The following ZNF536 variants were observed in gnomAD, a reference collection of about 807,000 sequenced individuals.
ZNF536 encodes the protein zinc finger protein 536.
In ZNF536, 13 loss-of-function variants were observed where a neutral mutation model predicts 84.5. That is an observed-to-expected ratio of 0.15 (90% CI 0.10 to 0.24). ZNF536 has a LOEUF of 0.24. Among genes scored for constraint, ZNF536 ranks in the 10% least tolerant of loss-of-function variants. ZNF536 has a pLI of 1.00. For missense variants in ZNF536, 1,536 were observed against 1,747.5 expected (o/e 0.88, Z 2.16); for synonymous variants, 811 against 742.5 (o/e 1.09, Z -1.50).
At chr19:30,315,621 G>A (rs2046653653) in intron 2 of ZNF536, among the ~76,000 whole-genome samples, 1 of 152,176 alleles carries the variant, frequency 6.6e-6, no homozygotes, top group Admixed American at 6.5e-5. Flanking sequence ...AATTACGAAA[G>A]TTCTGTGGGT....
chr19:30,644,366 TC>T (rs2049382776), intron 1 of ZNF536, among the ~76,000 whole-genome samples: 2 of 152,124 alleles, frequency 1.3e-5, no homozygotes, highest in Admixed American at 6.6e-5. Context: ...GACATTTCTT[TC>T]TTTTTTTTTT....
At chr19:30,635,800 C>A (rs1200986308) in intron 1 of ZNF536, among the ~76,000 whole-genome samples, 1 of 152,228 alleles carries the variant, frequency 6.6e-6, no homozygotes, top group Non-Finnish European at 1.5e-5. Flanking sequence ...TACACAGATC[C>A]ATACGCTGCC....
chr19:30,303,141 A>T (rs182684852), intron 2 of ZNF536, among the ~76,000 whole-genome samples: 1 of 152,132 alleles, frequency 6.6e-6, no homozygotes, highest in Non-Finnish European at 1.5e-5. Context: ...TAGATGGGTG[A>T]TGGGTTTCTG....
intron 2 of ZNF536, among the ~76,000 whole-genome samples, chr19:30,313,890 G>A (rs2046589447): frequency 6.6e-6 from 1 of 152,226 alleles, no homozygotes; most frequent in South Asian, 2.1e-4. Context: ...AGATGGCCCT[G>A]TCCCTCGCTC....
intron 2 of ZNF536, among the ~76,000 whole-genome samples, chr19:30,464,367 C>T (rs2053291429): frequency 6.6e-6 from 1 of 152,122 alleles, no homozygotes; most frequent in Admixed American, 6.5e-5. Flanking sequence ...GCGCTGGGCC[C>T]TCGAGGGGTA....
intron 1 of ZNF536, among the ~76,000 whole-genome samples, chr19:30,704,739 C>A (rs1477377703): frequency 1.3e-5 from 2 of 151,966 alleles, no homozygotes. Context: ...GCGGCTTCTC[C>A]TCTGGGGATG....
chr19:30,357,732 C>T (rs556829373), intron 3 of ZNF536, among the ~76,000 whole-genome samples: 5 of 152,132 alleles, frequency 3.3e-5, no homozygotes, highest in Admixed American at 6.5e-5. Context: ...TGTGCAGCCC[C>T]GGGAGGCCTG....
intron 2 of ZNF536, among the ~76,000 whole-genome samples, chr19:30,351,863 G>A (rs370776597): frequency 8.7e-4 from 133 of 152,344 alleles, no homozygotes; most frequent in Non-Finnish European, 1.6e-3. Flanking sequence ...TGGACTTCAT[G>A]TTAGGAAATC....
At chr19:30,265,042 G>A (rs983208427) in intron 1 of ZNF536, among the ~76,000 whole-genome samples, 4 of 151,800 alleles carry the variant, frequency 2.6e-5, no homozygotes, top group African/African-American at 7.3e-5. Flanking sequence ...CAAAGAAAGT[G>A]CAGTTTGTCA....
chr19:30,271,328 AT>A (rs2025840678), intron 1 of ZNF536, among the ~76,000 whole-genome samples: 1 of 127,244 alleles, frequency 7.9e-6, no homozygotes, highest in African/African-American at 3.0e-5. Context: ...TTGCTAAAGC[AT>A]GAGAGATGCT....
intron 1 of ZNF536, among the ~76,000 whole-genome samples, chr19:30,682,226 T>C (rs1443318567): frequency 1.3e-5 from 2 of 152,074 alleles, no homozygotes; most frequent in Non-Finnish European, 2.9e-5. Flanking sequence ...ACTCTGCAAG[T>C]TTTGGGTTTG....
chr19:30,374,990 A>C (rs2048755983), intron 1 of ZNF536, among the ~76,000 whole-genome samples: 1 of 151,978 alleles, frequency 6.6e-6, no homozygotes, highest in East Asian at 1.9e-4. Flanking sequence ...GCGCCTGGAG[A>C]TCGGGCGCGC....
intron 2 of ZNF536, among the ~76,000 whole-genome samples, chr19:30,336,407 A>C (rs1327366947): frequency 6.6e-6 from 1 of 152,208 alleles, no homozygotes; most frequent in Non-Finnish European, 1.5e-5. Flanking sequence ...ATGCTGTTGG[A>C]CAGGACAAGG....
At chr19:30,710,207 T>C (rs1003721355) in intron 1 of ZNF536, among the ~76,000 whole-genome samples, 3 of 152,144 alleles carry the variant, frequency 2.0e-5, no homozygotes, top group East Asian at 3.9e-4. Context: ...AATTCAGATA[T>C]GGGGAGACTT....
chr19:30,574,699 G>T (rs1004159138), intron 1 of ZNF536, among the ~76,000 whole-genome samples: 1 of 152,176 alleles, frequency 6.6e-6, no homozygotes, highest in Non-Finnish European at 1.5e-5. Flanking sequence ...CTCATGCCAG[G>T]CCAGGCCATG....
Position 30,471,073 on chromosome 19 carries a change from G to A in ZNF536, c.2170+25341G>A, listed in dbSNP as rs142712504. ...TGGGCTCAAGCAATCCTCCCACCTC[G>A]TCCTCCCAAAGTGCTGGGATTACAG... On this transcript the variant is annotated intron_variant, in intron 2 of 4. Coordinates refer to ENST00000355537, the MANE Select transcript of ZNF536 (RefSeq NM_014717.3). Among the ~76,000 whole-genome samples the A allele has an allele frequency of 4.0e-3, 605 of 150,490 alleles. 1 individual carries two copies. The highest frequency in any genetic ancestry group is 6.5e-3 in the Non-Finnish European group (443 of 67,784).
rs114327658 is a variant in ZNF536 at position 30,615,940 on chromosome 19, T to C, written c.169+66426T>C. On this transcript the variant is annotated intron_variant, in intron 1 of 1. Transcript: ENST00000592773. The stretch of plus-strand genomic sequence containing the variant: ...TGTCTGTCTCTCTCATTGTATCCCA[T>C]TGTAAATCAAATCTTTTTCTCGATC... Among the ~76,000 whole-genome samples the C allele has an allele frequency of 4.1e-3, 630 of 152,308 alleles. 6 individuals are homozygous for C. The highest frequency in any genetic ancestry group is 0.014 in the African/African-American group (595 of 41,558).
intron 1 of ZNF536, among the ~76,000 whole-genome samples, chr19:30,610,895 C>A (rs989770666): frequency 1.3e-5 from 2 of 152,152 alleles, no homozygotes; most frequent in African/African-American, 4.8e-5. Flanking sequence ...GTAGCCTCTA[C>A]CAAATGGAGC....
chr19:30,556,305 C>T (rs1433405260), intron 4 of ZNF536: 1 of 152,322 alleles, frequency 6.6e-6, no homozygotes, highest in Non-Finnish European at 1.5e-5. Context: ...TGCCTCACAA[C>T]CTGCTGCAGA....
Sources: gnomAD v4.1 joint callset for allele counts (sites outside exome capture counted in the v4.1 genomes callset) on GRCh38, gnomAD v4.1.1 for gene constraint, MANE v1.5 for transcripts, NCBI Gene and HGNC (gene_info 2026-07-23, HGNC 2026-07-21) for gene names.